The following HSD17B2 variants were observed in gnomAD, a reference collection of about 807,000 sequenced individuals.
The protein encoded by HSD17B2 is 17-beta-hydroxysteroid dehydrogenase type 2.
A neutral mutation model predicts 26.9 loss-of-function variants in HSD17B2; 32 were observed. That is an observed-to-expected ratio of 1.19 (90% CI 0.90 to 1.60). The LOEUF is 1.60. Ranked by LOEUF, HSD17B2 falls within the 40% of genes most tolerant of loss-of-function variation. The pLI is 0.00. For synonymous variants in HSD17B2, 246 were observed against 186.7 expected (o/e 1.32, Z -2.59); for missense variants, 613 against 468.6 (o/e 1.31, Z -2.85).
rs1345428711 is a variant in HSD17B2, at chr16:82,090,941, C to G, written c.704C>G (p.Ser235Ter). Residue 235 changes from serine (S) to a stop codon, truncating the protein, a stop_gained, in exon 4 of 5, where the codon TCA (serine) becomes TGA (stop). Coordinates refer to ENST00000199936, the MANE Select transcript of HSD17B2 (RefSeq NM_002153.3). LOFTEE classifies it high-confidence loss of function. The part of the protein sequence containing the change: ...PMERLASYGS[S>*]KAAVTMFSSV... ...GAAAGGCTGGCATCTTATGGCTCAT[C>G]AAAGGCGGCTGTGACCATGTTCTCA... The G allele has an allele frequency of 4.3e-6, 7 of 1,613,966 alleles. No homozygotes were observed. The highest frequency in any genetic ancestry group is 1.7e-6 in the Non-Finnish European group (2 of 1,179,894).
intron 3 of HSD17B2, among the ~76,000 whole-genome samples, chr16:82,086,724 T>C (rs766665684): frequency 2.6e-5 from 4 of 152,220 alleles, no homozygotes; most frequent in Non-Finnish European, 5.9e-5. Flanking sequence ...GTCTTGTTGT[T>C]GACTACGTAT....
At chr16:82,041,981 C>A (rs1453299693) in intron 1 of HSD17B2, among the ~76,000 whole-genome samples, 2 of 151,566 alleles carry the variant, frequency 1.3e-5, no homozygotes, top group Non-Finnish European at 2.9e-5. Context: ...TGATCCTTTT[C>A]CCTTTCTTTT....
chr16:82,046,638 C>T lies in HSD17B2; in HGVS notation c.265+10949C>T, dbSNP rs979487483. Among the ~76,000 whole-genome samples, 4 of 151,684 alleles carry T rather than the reference C, an allele frequency of 2.6e-5. No homozygotes were observed. In the South Asian group the frequency reaches 6.3e-4, roughly 24 times the overall value. ...CTCGGGGAGGCTGAGCCAGGAGGAT[C>T]GCTTGAACCTGGGAGTCAGATGTTG... is the stretch of plus-strand genomic sequence containing the variant. On this transcript the variant is annotated intron_variant, in intron 1 of 4. Transcript: ENST00000199936.
chr16:82,057,653 A>G (rs2143953680), intron 1 of HSD17B2, among the ~76,000 whole-genome samples: 1 of 152,336 alleles, frequency 6.6e-6, no homozygotes, highest in Non-Finnish European at 1.5e-5. Context: ...AGCAGTCTTA[A>G]GTCACATGGG....
chr16:82,087,547 A>G (rs150440723), intron 3 of HSD17B2, among the ~76,000 whole-genome samples: 5 of 152,356 alleles, frequency 3.3e-5, no homozygotes, highest in Non-Finnish European at 7.3e-5. Context: ...GCAGGGTTCA[A>G]ATTAATGCAA....
At chr16:82,085,495 G>A (rs1364287) in intron 3 of HSD17B2, among the ~76,000 whole-genome samples, 42,160 of 151,976 alleles carry the variant, frequency 0.28, 6,611 homozygotes, top group Non-Finnish European at 0.35. Context: ...GATATGAACC[G>A]GGATCTGTTT....
chr16:82,070,317 A>G (rs541011350), intron 2 of HSD17B2, among the ~76,000 whole-genome samples: 1 of 152,106 alleles, frequency 6.6e-6, no homozygotes, highest in African/African-American at 2.4e-5. Flanking sequence ...CACCTCCTGG[A>G]TAGTTACCCT....
intron 1 of HSD17B2, among the ~76,000 whole-genome samples, chr16:82,041,565 C>A (rs927792904): frequency 6.6e-6 from 1 of 152,242 alleles, no homozygotes; most frequent in Admixed American, 6.5e-5. Flanking sequence ...CACCAGTCTG[C>A]TGAAACTGCT....
intron 4 of HSD17B2, chr16:82,096,111 TTG>T (rs1904831025): frequency 6.6e-6 from 1 of 152,198 alleles, no homozygotes. Context: ...TGCATGTAGT[TTG>T]TGTATTAAAA....
chr16:82,051,786 T>C (rs1437625279), intron 1 of HSD17B2, among the ~76,000 whole-genome samples: 2 of 152,352 alleles, frequency 1.3e-5, no homozygotes, highest in South Asian at 2.1e-4. Flanking sequence ...TTGCAGCTTC[T>C]CAGCTCTGCC....
At chr16:82,095,754 T>G (rs953283323) in intron 4 of HSD17B2, 6 of 152,230 alleles carry the variant, frequency 3.9e-5, no homozygotes, top group African/African-American at 1.4e-4. Flanking sequence ...TCCATAGACA[T>G]TGACAAGAAG....
chr16:82,097,953 T>A (rs9925455), intron 4 of HSD17B2, 122 bp from the exon 5 acceptor site: 396,187 of 835,886 alleles, frequency 0.47, 65,333 homozygotes, highest in Middle Eastern at 0.5. Context: ...AATAAAAAAA[T>A]AAAAAAATAA....
chr16:82,035,852 T>C (rs564767832), intron 1 of HSD17B2, among the ~76,000 whole-genome samples, 163 bp downstream of exon 1: 41 of 152,138 alleles, frequency 2.7e-4, no homozygotes, highest in Admixed American at 9.2e-4. Context: ...TTCCGTTTTT[T>C]CCAGGAGGTG....
chr16:82,076,052 A>G (rs796383881), intron 3 of HSD17B2, among the ~76,000 whole-genome samples: 4 of 152,292 alleles, frequency 2.6e-5, no homozygotes, highest in African/African-American at 9.6e-5. Flanking sequence ...GATTTATCCT[A>G]TGGATGCAGG....
intron 1 of HSD17B2, among the ~76,000 whole-genome samples, chr16:82,043,684 C>CAAAAAAAAAAAAAA (rs398030034): frequency 8.9e-5 from 2 of 22,550 alleles, no homozygotes; most frequent in African/African-American, 6.9e-4. Context: ...AACTCTGTCT[C>CAAAAAAAAAAAAAA]AAAAAAAAAA....
At chr16:82,080,100 A>G (rs1904340028) in intron 3 of HSD17B2, among the ~76,000 whole-genome samples, 2 of 152,220 alleles carry the variant, frequency 1.3e-5, no homozygotes, top group African/African-American at 4.8e-5. Context: ...CCAGCCAGGA[A>G]AAACTGAGCT....
At chr16:82,070,704 T>A in intron 2 of HSD17B2, 1 of 519,936 alleles carries the variant, frequency 1.9e-6, no homozygotes, top group South Asian at 3.2e-5. Flanking sequence ...TTCTGAAGAG[T>A]TTCTGGAACA....
chr16:82,080,870 C>G (rs929870529), intron 3 of HSD17B2, among the ~76,000 whole-genome samples: 2 of 152,188 alleles, frequency 1.3e-5, no homozygotes, highest in Admixed American at 6.5e-5. Context: ...ACAGATTTTA[C>G]TAGAGATTCC....
chr16:82,073,546 G>A (rs1004826835), intron 3 of HSD17B2, among the ~76,000 whole-genome samples: 2 of 152,072 alleles, frequency 1.3e-5, no homozygotes, highest in Non-Finnish European at 2.9e-5. Flanking sequence ...ATTACACCCA[G>A]CTATGTCCAT....
Sources: allele counts gnomAD v4.1 joint callset (sites outside exome capture counted in the v4.1 genomes callset), GRCh38; gene constraint gnomAD v4.1.1; transcripts MANE v1.5; gene names NCBI Gene and HGNC (gene_info 2026-07-23, HGNC 2026-07-21).